The following CDK12 variants were observed in gnomAD, a reference collection of about 807,000 sequenced individuals.
The protein encoded by CDK12 is cyclin dependent kinase 12.
CDK12 carries 17 observed loss-of-function variants against 133.8 expected under a neutral mutation model. The ratio of observed to expected loss-of-function variants is 0.13; its 90% CI spans 0.09 to 0.19. The LOEUF is 0.19. Among genes scored for constraint, CDK12 ranks in the 10% least tolerant of loss-of-function variants. The pLI is 1.00. For missense variants in CDK12, 1,508 were observed against 1,818.7 expected (o/e 0.83, Z 3.11); for synonymous variants, 694 against 683.6 (o/e 1.02, Z -0.24).
rs1407401862 is a variant in CDK12 at position 39,471,763 on chromosome 17, G to C, written c.1931G>C (p.Ser644Thr). Residue 644 changes from serine to threonine, a missense_variant and splice_region_variant, in exon 2 of 14, where the codon AGT becomes ACT. By Grantham distance (58) the Ser-to-Thr change is moderately conservative. Transcript: ENST00000447079. ...TTACCTGGAGATGATGACATGGATAGGTAAGTCCTATAGTGAACTGGAAAA... is the reference window on the plus strand; with the variant it reads ...TTACCTGGAGATGATGACATGGATACGTAAGTCCTATAGTGAACTGGAAAA... ...PLLPGDDDMDSPKETLPSKPV... is the reference protein window; with the variant it reads ...PLLPGDDDMDTPKETLPSKPV... 1.7e-5 allele frequency: 28 copies of C among 1,608,186 alleles called. No homozygotes were observed. The highest frequency in any genetic ancestry group is 2.3e-5 in the Non-Finnish European group (27 of 1,176,940).
chr17:39,469,400 T>A (rs1361554091), intron 1 of CDK12, among the ~76,000 whole-genome samples: 2 of 152,202 alleles, frequency 1.3e-5, no homozygotes, highest in East Asian at 3.8e-4. Context: ...TTTTGGTAAA[T>A]CATTTTCTCC....
intron 6 of CDK12, among the ~76,000 whole-genome samples, chr17:39,502,252 G>A (rs4591174): frequency 0.82 from 124,201 of 152,052 alleles, 50,932 homozygotes; most frequent in South Asian, 0.92. Flanking sequence ...TCCCAGGTTC[G>A]TGCCATTCTC....
chr17:39,511,098 C>G (rs1448324070), intron 7 of CDK12, among the ~76,000 whole-genome samples: 2 of 149,918 alleles, frequency 1.3e-5, no homozygotes, highest in Non-Finnish European at 3.0e-5. Flanking sequence ...GCCTGTAGTC[C>G]CAGCTACTTG....
intron 3 of CDK12, among the ~76,000 whole-genome samples, chr17:39,562,381 A>G (rs1447217432): frequency 1.3e-5 from 2 of 152,108 alleles, no homozygotes; most frequent in Non-Finnish European, 2.9e-5. Context: ...ACCCACTCTG[A>G]GATTTTCTGG....
At chr17:39,521,207 C>A (rs1383649116) in intron 11 of CDK12, among the ~76,000 whole-genome samples, 1 of 152,130 alleles carries the variant, frequency 6.6e-6, no homozygotes, top group African/African-American at 2.4e-5. Flanking sequence ...TCTTGAACTC[C>A]TGCCCATCTT....
chr17:39,527,051 C>T (rs2054538258), intron 13 of CDK12, among the ~76,000 whole-genome samples: 1 of 152,202 alleles, frequency 6.6e-6, no homozygotes, highest in Non-Finnish European at 1.5e-5. Flanking sequence ...TTCTGATTCA[C>T]ACTGTATTTG....
chr17:39,540,052 T>C (rs1047334016), intron 1 of CDK12, among the ~76,000 whole-genome samples: 1 of 152,232 alleles, frequency 6.6e-6, no homozygotes, highest in African/African-American at 2.4e-5. Flanking sequence ...GTAGCAGTAC[T>C]TGGTCAAGGA....
rs71843922 is a variant in CDK12, at chr17:39,532,102, T to TTCTCTCTCTCTCTCTCTCTCTCTCTC, written c.*802_*827dup. 9.7e-6 allele frequency: 2 copies of TTCTCTCTCTCTCTCTCTCTCTCTCTC among 206,012 alleles called. No homozygotes were observed. The highest frequency in any genetic ancestry group is 1.2e-4 in the Admixed American group (2 of 16,020). 12.8% of individuals were successfully genotyped at this position (206,012 alleles called of 1,614,324 possible). A position where few individuals can be genotyped will look rare whatever the true frequency, so the allele number is the denominator to read the frequency against. ...GCTGATGTGTGCTCTCTCTCTCTCT[T>TTCTCTCTCTCTCTCTCTCTCTCTCTC]TCTCTCTCTCTCTCTCTCTCTCTCT... is the stretch of plus-strand genomic sequence containing the variant. On this transcript the variant is annotated 3_prime_UTR_variant, in exon 14 of 14. Coordinates refer to ENST00000447079, the MANE Select transcript of CDK12 (RefSeq NM_016507.4).
At chr17:39,545,075 C>T (rs1368873392), upstream of CDK12, among the ~76,000 whole-genome samples, 3 of 152,186 alleles carry the variant, frequency 2.0e-5, no homozygotes, top group Non-Finnish European at 4.4e-5. Flanking sequence ...CCTTTCTTGG[C>T]ATTCCTGTTC....
chr17:39,566,993 A>C (rs1419971994), downstream of CDK12: 1 of 152,410 alleles, frequency 6.6e-6, no homozygotes, highest in Non-Finnish European at 1.5e-5. Flanking sequence ...GAGGAGGCTA[A>C]GCCCGGGCAG....
chr17:39,476,711 CTTTTTTTTTTTT>C (rs879840168), intron 2 of CDK12, among the ~76,000 whole-genome samples: 4 of 84,530 alleles, frequency 4.7e-5, no homozygotes, highest in Non-Finnish European at 6.2e-5. Context: ...CCATGCCTGC[CTTTTTTTTTTTT>C]TTTTTTTTTT....
rs2054860014 is a variant in CDK12, at chr17:39,531,787, T to G, written c.*471T>G. 1 of 234,858 alleles carries G rather than the reference T, an allele frequency of 4.3e-6. No individual in the cohort carries two copies. Among genetic ancestry groups the G allele is most frequent in the Non-Finnish European group, 8.4e-6 (1 of 118,770 alleles). The allele number at this position is 234,858 out of a possible 1,614,324, so 14.5% of individuals were successfully genotyped here. ...TTTTTTTCCTTTAAAGAGAATAGTGTTCACAAAATTTGAGCTGCTCTTTGG... is the reference window on the plus strand; with the variant it reads ...TTTTTTTCCTTTAAAGAGAATAGTGGTCACAAAATTTGAGCTGCTCTTTGG... On this transcript the variant is annotated 3_prime_UTR_variant, in exon 14 of 14. Transcript: ENST00000447079.
rs147807259 is a variant in CDK12, at chr17:39,512,939, C to T, written c.2768+1309C>T. 1.5e-3 allele frequency among the ~76,000 whole-genome samples: 222 copies of T among 152,088 alleles called. 1 individual carries two copies. Among genetic ancestry groups the T allele is most frequent in the African/African-American group, 5.2e-3 (217 of 41,514 alleles). ...TATTTTAATCCATTGTGGTTATTATCCTTATTCTTGTTCAAACTGTCCAGT... is the reference window on the plus strand; with the variant it reads ...TATTTTAATCCATTGTGGTTATTATTCTTATTCTTGTTCAAACTGTCCAGT... On this transcript the variant is annotated intron_variant, in intron 8 of 13. Coordinates refer to ENST00000447079, the MANE Select transcript of CDK12 (RefSeq NM_016507.4).
chr17:39,501,690 TACTC>T (rs1567743887), intron 6 of CDK12, among the ~76,000 whole-genome samples: 3 of 152,176 alleles, frequency 2.0e-5, no homozygotes, highest in Admixed American at 6.6e-5. Flanking sequence ...GCCTAGTACT[TACTC>T]CTAGGTTTTA....
At chr17:39,502,980 C>G (rs995183099) in intron 6 of CDK12, among the ~76,000 whole-genome samples, 1 of 152,098 alleles carries the variant, frequency 6.6e-6, no homozygotes, top group Non-Finnish European at 1.5e-5. Flanking sequence ...CTGTATTTGA[C>G]AGGGATCAGC....
chr17:39,558,230 C>T (rs1597720780), intron 3 of CDK12, among the ~76,000 whole-genome samples: 1 of 152,192 alleles, frequency 6.6e-6, no homozygotes, highest in South Asian at 2.1e-4. Flanking sequence ...GACTCAGACT[C>T]CCCAAGAAAT....
Position 39,462,544 on chromosome 17 carries a change from C to CTGA in CDK12, c.477_479dup (p.Asp160dup), listed in dbSNP as rs2049029249. On this transcript the variant is annotated inframe_insertion, in exon 1 of 14. Coordinates refer to ENST00000447079, the MANE Select transcript of CDK12 (RefSeq NM_016507.4). The stretch of plus-strand genomic sequence containing the variant: ...AGTTCAAAGCGTTCGAATGAGGAGA[C>CTGA]TGATGACTATGGGAAGGCGCAGGTA... The CTGA allele has an allele frequency of 6.2e-7, 1 of 1,614,176 alleles. No individual in the cohort carries two copies. The highest frequency in any genetic ancestry group is 1.3e-5 in the African/African-American group (1 of 75,060).
Position 39,526,102 on chromosome 17 carries a change from ACC to A in CDK12, c.3548_3549del (p.Pro1183LeufsTer15). On this transcript the variant is annotated frameshift_variant, in exon 13 of 14. Transcript: ENST00000447079. LOFTEE classifies it high-confidence loss of function. ...CCCCAGAGGAGTCTTTGAAGGAAGC[ACC>A]CTCTGCCCCAGTGATCCTGCCTTCA... Reference protein sequence around the residue: ...MAPEESLKEAPSAPVILPSAE... With the variant: ...MAPEESLKEAXSAPVILPSAE... 1 of 1,614,168 alleles carries A rather than the reference ACC, an allele frequency of 6.2e-7. No homozygotes were observed. The highest frequency in any genetic ancestry group is 8.5e-7 in the Non-Finnish European group (1 of 1,180,018).
chr17:39,522,450 T>C (rs529128791), intron 11 of CDK12, among the ~76,000 whole-genome samples: 2 of 152,096 alleles, frequency 1.3e-5, no homozygotes, highest in African/African-American at 4.8e-5. Context: ...TGTTTTTTTC[T>C]GAGACAGGGT....
Sources: gnomAD v4.1 joint callset for allele counts (sites outside exome capture counted in the v4.1 genomes callset) on GRCh38, gnomAD v4.1.1 for gene constraint, MANE v1.5 for transcripts, NCBI Gene and HGNC (gene_info 2026-07-23, HGNC 2026-07-21) for gene names.